Variants in MACROD2 observed in about 807,000 individuals in gnomAD.
MACROD2 encodes the protein ADP-ribose glycohydrolase MACROD2.
A neutral mutation model predicts 70.4 loss-of-function variants in MACROD2; 36 were observed. That is an observed-to-expected ratio of 0.51 (90% CI 0.39 to 0.68). The LOEUF (loss-of-function observed/expected upper bound fraction) is 0.68, where lower values mean the gene tolerates loss of function less well. Among genes scored for constraint, MACROD2 ranks in the 30% least tolerant of loss-of-function variants. MACROD2 has a pLI of 0.00. For synonymous variants in MACROD2, 172 were observed against 178.8 expected, an observed-to-expected ratio of 0.96 and a Z score of 0.30; for missense variants, 496 against 538.4, an observed-to-expected ratio of 0.92 and a Z score of 0.78.
At position 15,731,869 on chromosome 20, in the gene MACROD2, C is replaced by T. The variant is rs1323743731; in HGVS notation, c.646-130876C>T. ...TTCCTGGGTTCAAGACATTCTCCTG[C>T]CTCAGCTTCCTGAGTAGCTGGAATT... On this transcript the variant is annotated intron_variant, in intron 8 of 17. Coordinates refer to ENST00000684519, the MANE Select transcript of MACROD2 (RefSeq NM_001351661.2). 3.5e-5 allele frequency among the ~76,000 whole-genome samples: 2 copies of T among 56,500 alleles called. 1 individual carries two copies. Among genetic ancestry groups the T allele is most frequent in the Non-Finnish European group, 9.9e-5 (2 of 20,292 alleles). The allele number at this position is 56,500 out of a possible 152,430, so 37.1% of individuals were successfully genotyped here. A position where few individuals can be genotyped will look rare whatever the true frequency, so the allele number is the denominator to read the frequency against.
intron 5 of MACROD2, among the ~76,000 whole-genome samples, chr20:15,208,039 A>G (rs568008929): frequency 2.2e-4 from 34 of 152,196 alleles, no homozygotes; most frequent in African/African-American, 8.2e-4. Flanking sequence ...TTTCAGTGAT[A>G]TGATTTTAGA....
intron 3 of MACROD2, among the ~76,000 whole-genome samples, chr20:14,387,359 T>G (rs1044274753): frequency 1.3e-5 from 2 of 152,184 alleles, no homozygotes; most frequent in Admixed American, 6.5e-5. Context: ...TTTAACAAGT[T>G]TTTTCTATTT....
At chr20:15,831,611 A>C (rs571855268) in intron 8 of MACROD2, among the ~76,000 whole-genome samples, 1 of 152,200 alleles carries the variant, frequency 6.6e-6, no homozygotes, top group African/African-American at 2.4e-5. Flanking sequence ...CCCAGCTTGG[A>C]GGTTCTGCTT....
intron 10 of MACROD2, among the ~76,000 whole-genome samples, chr20:15,888,834 C>T (rs540526803): frequency 6.6e-6 from 1 of 152,226 alleles, no homozygotes; most frequent in African/African-American, 2.4e-5. Context: ...GCTGGCCTCA[C>T]CAGACATTGG....
In MACROD2 at chr20:14,754,613, G is replaced by A. The variant is rs1361896198; in HGVS notation, c.418+69654G>A. 7.2e-5 allele frequency among the ~76,000 whole-genome samples: 11 copies of A among 152,164 alleles called. No individual in the cohort carries two copies. The East Asian group carries it at 1.7e-3, about 24-fold the overall frequency. ...TACACGGGGCTATAAACTGAAAATGGTGTGTAACCCTTTAATTGAAGACTC... is the reference window on the plus strand; with the variant it reads ...TACACGGGGCTATAAACTGAAAATGATGTGTAACCCTTTAATTGAAGACTC... On this transcript the variant is annotated intron_variant, in intron 5 of 17. Coordinates refer to ENST00000684519, the MANE Select transcript of MACROD2 (RefSeq NM_001351661.2).
intron 15 of MACROD2, among the ~76,000 whole-genome samples, chr20:16,022,144 G>A (rs1601335859): frequency 6.9e-6 from 1 of 145,918 alleles, no homozygotes; most frequent in African/African-American, 2.5e-5. Flanking sequence ...TCTGCCTCCC[G>A]GGTTCATGCC....
At chr20:15,093,809 A>T (rs2075809415) in intron 5 of MACROD2, among the ~76,000 whole-genome samples, 1 of 152,168 alleles carries the variant, frequency 6.6e-6, no homozygotes, top group East Asian at 1.9e-4. Context: ...GGAGCAATGG[A>T]AAACTTTTAT....
At chr20:14,684,430 G>A (rs2070973858) in intron 4 of MACROD2, among the ~76,000 whole-genome samples, 1 of 152,102 alleles carries the variant, frequency 6.6e-6, no homozygotes, top group Non-Finnish European at 1.5e-5. Flanking sequence ...GAGGCAACAT[G>A]TACCAGCTCG....
At chr20:15,187,131 TA>T (rs1878513165) in intron 5 of MACROD2, among the ~76,000 whole-genome samples, 1 of 152,204 alleles carries the variant, frequency 6.6e-6, no homozygotes, top group Non-Finnish European at 1.5e-5. Context: ...CACTGGCACA[TA>T]AGCTAGTTTT....
At chr20:14,658,332 T>C (rs2123527352) in intron 4 of MACROD2, among the ~76,000 whole-genome samples, 1 of 152,206 alleles carries the variant, frequency 6.6e-6, no homozygotes, top group South Asian at 2.1e-4. Context: ...GAGACAGATA[T>C]CTTGATCTCA....
intron 5 of MACROD2, among the ~76,000 whole-genome samples, chr20:15,111,275 T>C (rs975617724): frequency 4.0e-5 from 6 of 151,060 alleles, no homozygotes; most frequent in Admixed American, 6.6e-5. Flanking sequence ...TGGGTTCAAG[T>C]GATTCTCCTG....
intron 5 of MACROD2, among the ~76,000 whole-genome samples, chr20:15,061,649 C>G (rs1039072991): frequency 6.6e-6 from 1 of 152,182 alleles, no homozygotes; most frequent in African/African-American, 2.4e-5. Flanking sequence ...GCCAGGGATG[C>G]TTCTTCCTGG....
intron 8 of MACROD2, among the ~76,000 whole-genome samples, chr20:15,500,744 T>C (rs2047354677): frequency 6.6e-6 from 1 of 152,204 alleles, no homozygotes; most frequent in South Asian, 2.1e-4. Context: ...TTGGTACTTT[T>C]GTGTGTTTGA....
chr20:14,788,382 C>G (rs2072401082), intron 5 of MACROD2, among the ~76,000 whole-genome samples: 1 of 151,764 alleles, frequency 6.6e-6, no homozygotes, highest in South Asian at 2.1e-4. Context: ...TCCAAGAGTT[C>G]AAGAGCAGCC....
chr20:14,866,610 A>G (rs1415672966), intron 5 of MACROD2, among the ~76,000 whole-genome samples: 15 of 152,126 alleles, frequency 9.9e-5, no homozygotes, highest in Non-Finnish European at 2.1e-4. Flanking sequence ...AACAACAGTT[A>G]ATCTACAATG....
chr20:14,011,246 A>G (rs941897615), intron 2 of MACROD2, among the ~76,000 whole-genome samples: 1 of 152,168 alleles, frequency 6.6e-6, no homozygotes, highest in Non-Finnish European at 1.5e-5. Flanking sequence ...ATAGGAGCAC[A>G]GCGTCTCATT....
Position 14,688,027 on chromosome 20 carries a change from T to C in MACROD2, c.418+3068T>C, listed in dbSNP as rs1420180886. 7.2e-5 allele frequency among the ~76,000 whole-genome samples: 11 copies of C among 152,200 alleles called. No homozygotes were observed. The East Asian group carries it at 1.9e-3, about 27-fold the overall frequency. On this transcript the variant is annotated intron_variant, in intron 5 of 17. Coordinates refer to ENST00000684519, the MANE Select transcript of MACROD2 (RefSeq NM_001351661.2). ...GAGAGATGTTTTTCTTTCTCATCAA[T>C]TTGGTTCATCCATTTCAGAGTCATT... is the stretch of plus-strand genomic sequence containing the variant.
chr20:15,684,835 A>G (rs1022957785), intron 8 of MACROD2, among the ~76,000 whole-genome samples: 1 of 152,148 alleles, frequency 6.6e-6, no homozygotes, highest in Non-Finnish European at 1.5e-5. Flanking sequence ...TTGAACATGC[A>G]TGTTTATATA....
intron 6 of MACROD2, among the ~76,000 whole-genome samples, chr20:15,302,967 A>G (rs2146130593): frequency 6.6e-6 from 1 of 152,286 alleles, no homozygotes; most frequent in East Asian, 1.9e-4. Context: ...TCCCTTTACA[A>G]AGTTATTATG....
Sources: allele counts gnomAD v4.1 joint callset (sites outside exome capture counted in the v4.1 genomes callset), GRCh38; gene constraint gnomAD v4.1.1; transcripts MANE v1.5; gene names NCBI Gene and HGNC (gene_info 2026-07-23, HGNC 2026-07-21).